FHIT: variants seen among roughly 807,000 people sequenced by gnomAD.
FHIT encodes bis(5'-adenosyl)-triphosphatase.
A neutral mutation model predicts 17.9 loss-of-function variants in FHIT; 19 were observed. That is an observed-to-expected ratio of 1.06 (90% CI 0.74 to 1.56). FHIT has a LOEUF of 1.56. FHIT is among the 40% of genes most tolerant of loss of function. The pLI is 0.00. For synonymous variants in FHIT, 81 were observed against 69.7 expected (o/e 1.16, Z -0.81); for missense variants, 248 against 189.2 (o/e 1.31, Z -1.82).
intron 5 of FHIT, among the ~76,000 whole-genome samples, chr3:60,132,541 C>A (rs899619436): frequency 1.3e-5 from 2 of 152,180 alleles, no homozygotes; most frequent in African/African-American, 4.8e-5. Flanking sequence ...AGCCCTTTAA[C>A]ATATTTAATA....
rs186236474 is a variant in FHIT, at chr3:59,898,659, G to A, written c.348+23687C>T. On this transcript the variant is annotated intron_variant, in intron 8 of 9. Transcript: ENST00000492590. ...GAATCTTTTTTTTTCTTCTTTTTTT[G>A]GTACTTTTAGTCCACTGTTGTCATT... is the stretch of plus-strand genomic sequence containing the variant. Among the ~76,000 whole-genome samples, 1,193 of 149,974 alleles carry A rather than the reference G, an allele frequency of 8.0e-3. 14 individuals are homozygous for A. Among genetic ancestry groups the A allele is most frequent in the South Asian group, 0.041 (196 of 4,724 alleles).
Position 60,040,595 on chromosome 3 carries a change from G to C in FHIT, c.104-26443C>G, listed in dbSNP as rs115733520. Among the ~76,000 whole-genome samples, 848 of 152,206 alleles carry C rather than the reference G, an allele frequency of 5.6e-3. 5 individuals carry two copies. The highest frequency in any genetic ancestry group is 0.019 in the African/African-American group (797 of 41,516). The stretch of plus-strand genomic sequence containing the variant: ...ATTCCCTTCTCCCAAGCCTGGTTCT[G>C]GCTCTCTCATGCTTCAGAATCTGTG... On this transcript the variant is annotated intron_variant, in intron 5 of 9. Transcript: ENST00000492590.
chr3:61,005,200 T>C (rs1350146818), intron 3 of FHIT, among the ~76,000 whole-genome samples: 1 of 152,242 alleles, frequency 6.6e-6, no homozygotes, highest in Non-Finnish European at 1.5e-5. Flanking sequence ...AATTAGGATC[T>C]CAGATCTGTC....
chr3:61,069,290 A>C (rs2106732388), intron 2 of FHIT, among the ~76,000 whole-genome samples: 1 of 152,226 alleles, frequency 6.6e-6, no homozygotes, highest in African/African-American at 2.4e-5. Flanking sequence ...ATGCACCTTC[A>C]CTTTCTAGGT....
At chr3:60,453,809 G>T (rs1020252407) in intron 5 of FHIT, among the ~76,000 whole-genome samples, 1 of 152,114 alleles carries the variant, frequency 6.6e-6, no homozygotes, top group African/African-American at 2.4e-5. Flanking sequence ...ATTACTTTTT[G>T]TATTATCATA....
chr3:60,177,336 A>G (rs1288360347), intron 5 of FHIT, among the ~76,000 whole-genome samples: 2 of 152,194 alleles, frequency 1.3e-5, no homozygotes, highest in Non-Finnish European at 2.9e-5. Flanking sequence ...TAATCCAGAA[A>G]AAATGAAACT....
intron 3 of FHIT, among the ~76,000 whole-genome samples, chr3:60,954,194 G>A (rs1013667776): frequency 3.9e-5 from 6 of 152,134 alleles, no homozygotes; most frequent in Admixed American, 6.5e-5. Context: ...CAATCCAGAT[G>A]GAAAGCATTC....
intron 8 of FHIT, among the ~76,000 whole-genome samples, chr3:59,799,106 A>G (rs999578600): frequency 1.2e-4 from 7 of 60,208 alleles, no homozygotes; most frequent in East Asian, 1.1e-3. Flanking sequence ...ATCTACTTAA[A>G]TATTTTTTAA....
intron 5 of FHIT, among the ~76,000 whole-genome samples, chr3:60,145,044 G>A (rs1363762056): frequency 6.6e-6 from 1 of 152,122 alleles, no homozygotes; most frequent in African/African-American, 2.4e-5. Flanking sequence ...CAATGGTCTA[G>A]GTTTATTCCA....
At chr3:59,867,509 T>A (rs1455365144) in intron 8 of FHIT, among the ~76,000 whole-genome samples, 1 of 152,114 alleles carries the variant, frequency 6.6e-6, no homozygotes, top group African/African-American at 2.4e-5. Flanking sequence ...CTCATTCTGA[T>A]CCTAAATCTA....
chr3:59,765,885 T>C (rs1194941709), intron 8 of FHIT, among the ~76,000 whole-genome samples: 2 of 152,128 alleles, frequency 1.3e-5, no homozygotes, highest in African/African-American at 4.8e-5. Context: ...TTAAATACCA[T>C]GGCTCAAGCA....
At chr3:60,457,674 T>C (rs898798099) in intron 5 of FHIT, among the ~76,000 whole-genome samples, 19 of 151,636 alleles carry the variant, frequency 1.3e-4, no homozygotes, top group South Asian at 6.3e-4. Context: ...ATTTTTGCAA[T>C]CTACTCATCT....
intron 2 of FHIT, among the ~76,000 whole-genome samples, chr3:61,120,609 T>C (rs1157333691): frequency 1.3e-5 from 2 of 152,084 alleles, no homozygotes; most frequent in Non-Finnish European, 2.9e-5. Context: ...AACCAACCAC[T>C]GGTAGGTCCC....
intron 4 of FHIT, among the ~76,000 whole-genome samples, chr3:60,653,934 C>T (rs1245547687): frequency 1.3e-5 from 2 of 152,090 alleles, no homozygotes; most frequent in African/African-American, 4.8e-5. Flanking sequence ...GGAGGTGGGG[C>T]CTGGTGGGAG....
intron 1 of FHIT, among the ~76,000 whole-genome samples, chr3:61,204,437 C>T (rs76744734): frequency 0.069 from 10,534 of 151,938 alleles, 1,074 homozygotes; most frequent in East Asian, 0.4. Context: ...GAGTAACCAC[C>T]AAAAGAACAG....
At chr3:60,632,268 A>C (rs1283927726) in intron 4 of FHIT, among the ~76,000 whole-genome samples, 1 of 152,186 alleles carries the variant, frequency 6.6e-6, no homozygotes, top group Non-Finnish European at 1.5e-5. Context: ...GATTTCTGCC[A>C]GGAGTTCTAC....
chr3:60,040,175 C>A (rs1206184127), intron 5 of FHIT, among the ~76,000 whole-genome samples: 1 of 151,750 alleles, frequency 6.6e-6, no homozygotes, highest in African/African-American at 2.4e-5. Flanking sequence ...GAGACAGAGT[C>A]TTGCTCTGTC....
intron 4 of FHIT, among the ~76,000 whole-genome samples, chr3:60,687,759 G>A (rs1308010471): frequency 2.6e-5 from 4 of 152,030 alleles, no homozygotes; most frequent in Non-Finnish European, 5.9e-5. Context: ...GTATTAAAGT[G>A]TCATACAACA....
At chr3:60,646,393 G>C (rs1282376824) in intron 4 of FHIT, among the ~76,000 whole-genome samples, 1 of 152,050 alleles carries the variant, frequency 6.6e-6, no homozygotes, top group East Asian at 1.9e-4. Context: ...ATTTGCCTAA[G>C]AAAAAAATTC....
Sources: allele counts gnomAD v4.1 joint callset (sites outside exome capture counted in the v4.1 genomes callset), GRCh38; gene constraint gnomAD v4.1.1; transcripts MANE v1.5; gene names NCBI Gene and HGNC (gene_info 2026-07-23, HGNC 2026-07-21).